Variants in EPHA5 observed in about 807,000 individuals in gnomAD.
The protein encoded by EPHA5 is ephrin type-A receptor 5.
Under a neutral mutation model 105.0 loss-of-function variants are expected in EPHA5, and 60 were observed. The observed-to-expected ratio is 0.57, with a 90% CI of 0.46 to 0.71. The LOEUF (loss-of-function observed/expected upper bound fraction) is 0.71, where lower values mean the gene tolerates loss of function less well. Ranked by LOEUF, EPHA5 falls within the 30% of genes least tolerant of loss-of-function variation. EPHA5 has a pLI of 0.00. For missense variants in EPHA5, 1,218 were observed against 1,274.7 expected (o/e 0.96, Z 0.68); for synonymous variants, 513 against 449.1 (o/e 1.14, Z -1.80).
At chr4:65,500,368 C>A (rs1353145718) in intron 3 of EPHA5, among the ~76,000 whole-genome samples, 1 of 151,050 alleles carries the variant, frequency 6.6e-6, no homozygotes, top group Non-Finnish European at 1.5e-5. Context: ...ATTATTTCTA[C>A]CCATGCTTGA....
intron 2 of EPHA5, among the ~76,000 whole-genome samples, chr4:65,639,946 C>A (rs1252767060): frequency 6.6e-6 from 1 of 152,130 alleles, no homozygotes; most frequent in African/African-American, 2.4e-5. Context: ...TTTATTGATA[C>A]TTTGAATTCA....
chr4:65,563,384 A>G (rs1739217268), intron 3 of EPHA5, among the ~76,000 whole-genome samples: 1 of 152,094 alleles, frequency 6.6e-6, no homozygotes, highest in Non-Finnish European at 1.5e-5. Context: ...TTAGAGAAGC[A>G]AAAATATTTC....
chr4:65,435,171 A>G (rs2149072570), intron 5 of EPHA5, among the ~76,000 whole-genome samples: 1 of 152,246 alleles, frequency 6.6e-6, no homozygotes, highest in South Asian at 2.1e-4. Context: ...GGGCAAGTTC[A>G]TGAATATTTT....
At chr4:65,545,100 A>C (rs971861003) in intron 3 of EPHA5, among the ~76,000 whole-genome samples, 4 of 151,896 alleles carry the variant, frequency 2.6e-5, no homozygotes, top group African/African-American at 9.7e-5. Flanking sequence ...TCTTGTTAAT[A>C]TATTTGCCAT....
intron 5 of EPHA5, among the ~76,000 whole-genome samples, chr4:65,457,714 G>A (rs1727734440): frequency 1.3e-5 from 2 of 151,976 alleles, no homozygotes; most frequent in African/African-American, 2.4e-5. Context: ...GCACAGCTAA[G>A]CACCTACTAC....
In EPHA5 at chr4:65,493,639, G is replaced by A. The variant is rs558573791; in HGVS notation, c.1066+1749C>T. On this transcript the variant is annotated intron_variant, in intron 4 of 16. Coordinates refer to ENST00000613740, the MANE Select transcript of EPHA5 (RefSeq NM_001281766.3). ...TACTTTTAGAAATGCATACAAATTA[G>A]TGCTCATTTGACAACACAGTATTAG... Among the ~76,000 whole-genome samples the A allele has an allele frequency of 1.6e-3, 247 of 151,922 alleles. 1 individual carries two copies. Among genetic ancestry groups the A allele is most frequent in the Middle Eastern group, 6.8e-3 (2 of 294 alleles).
rs769074454 is a variant in EPHA5 at position 65,331,984 on chromosome 4, C to G, written c.2934G>C (p.Gln978His). 5 of 1,600,370 alleles carry G rather than the reference C, an allele frequency of 3.1e-6. No individual in the cohort carries two copies. Among genetic ancestry groups the G allele is most frequent in the Non-Finnish European group, 4.3e-6 (5 of 1,175,106 alleles). The change falls in exon 16 of 17, where the codon CAG becomes CAC. Residue 978 changes from glutamine to histidine, a missense_variant. Gln to His is a conservative substitution (Grantham distance 24). Around this residue, in one of 3 missense-constraint regions of EPHA5, gnomAD observed 971 missense variants for 1,013.5 expected, o/e 0.96. Coordinates refer to ENST00000613740, the MANE Select transcript of EPHA5 (RefSeq NM_001281766.3). ...GAAAAATTACTCACTCCAAGGTCAC[C>G]TGAGCCACAGCGTCCATTGAACTGT... is the stretch of plus-strand genomic sequence containing the variant. ...NGYSSMDAVA[Q>H]VTLEDLRRLG...
chr4:65,382,240 A>G (rs973659903), intron 8 of EPHA5, among the ~76,000 whole-genome samples: 4 of 151,820 alleles, frequency 2.6e-5, no homozygotes, highest in African/African-American at 9.7e-5. Flanking sequence ...AACTAAATGA[A>G]AGCAGAAAAA....
intron 3 of EPHA5, among the ~76,000 whole-genome samples, chr4:65,514,707 C>T (rs1640206841): frequency 6.6e-6 from 1 of 152,136 alleles, no homozygotes; most frequent in African/African-American, 2.4e-5. Flanking sequence ...ACAGAACACT[C>T]CCATTTTTCT....
intron 11 of EPHA5, among the ~76,000 whole-genome samples, chr4:65,361,255 C>T (rs983276811): frequency 4.6e-5 from 7 of 151,592 alleles, no homozygotes; most frequent in Non-Finnish European, 8.9e-5. Flanking sequence ...ACACTGATCT[C>T]ATAGAGGTCA....
rs751497678 is a variant in EPHA5, at chr4:65,367,444, A to T, written c.1794-20T>A. The T allele has an allele frequency of 1.2e-6, 2 of 1,609,780 alleles. No individual in the cohort carries two copies. The highest frequency in any genetic ancestry group is 2.2e-5 in the East Asian group (1 of 44,784). ...CACCGCCTGGAACAAAGTAAGCTAG[A>T]ATTAGCCACATCTGAAAGTGGTGAA... On this transcript the variant is annotated intron_variant, in intron 8 of 16. Transcript: ENST00000613740.
intron 15 of EPHA5, among the ~76,000 whole-genome samples, chr4:65,332,910 A>G (rs1468653241): frequency 6.6e-6 from 1 of 151,894 alleles, no homozygotes. Flanking sequence ...AAGTTAAGAA[A>G]CTATTTATTC....
At chr4:65,663,352 A>C (rs1237680461) in intron 1 of EPHA5, among the ~76,000 whole-genome samples, 1 of 152,136 alleles carries the variant, frequency 6.6e-6, no homozygotes, top group Non-Finnish European at 1.5e-5. Context: ...CAAACCACAG[A>C]GTTTTTAAGA....
At chr4:65,428,199 T>C (rs1724634649) in intron 5 of EPHA5, among the ~76,000 whole-genome samples, 1 of 152,116 alleles carries the variant, frequency 6.6e-6, no homozygotes, top group African/African-American at 2.4e-5. Context: ...ATTGCAGTTA[T>C]TGAATTATAA....
chr4:65,342,018 A>G (rs1165470372), intron 14 of EPHA5, among the ~76,000 whole-genome samples: 1 of 152,070 alleles, frequency 6.6e-6, no homozygotes, highest in African/African-American at 2.4e-5. Flanking sequence ...TTTTTTTCTT[A>G]GTGCATCAAT....
chr4:65,602,898 A>G (rs1743876379), intron 2 of EPHA5, among the ~76,000 whole-genome samples: 1 of 152,152 alleles, frequency 6.6e-6, no homozygotes, highest in Non-Finnish European at 1.5e-5. Context: ...TATTTCACTG[A>G]ACCCATCTAT....
At chr4:65,563,803 C>A (rs1739262588) in intron 3 of EPHA5, among the ~76,000 whole-genome samples, 1 of 151,946 alleles carries the variant, frequency 6.6e-6, no homozygotes, top group South Asian at 2.1e-4. Context: ...ATTGAAAAGT[C>A]TGATGAGTAA....
chr4:65,596,083 T>C (rs1195407698), intron 3 of EPHA5, among the ~76,000 whole-genome samples: 1 of 152,198 alleles, frequency 6.6e-6, no homozygotes, highest in East Asian at 1.9e-4. Context: ...ATTCAATTGG[T>C]CACATTTAAA....
intron 5 of EPHA5, among the ~76,000 whole-genome samples, chr4:65,422,262 A>G (rs894508015): frequency 2.6e-5 from 4 of 152,036 alleles, no homozygotes; most frequent in African/African-American, 4.8e-5. Flanking sequence ...GGTAAAGCTG[A>G]TGAAAGTGGG....
Sources: allele counts gnomAD v4.1 joint callset (sites outside exome capture counted in the v4.1 genomes callset), GRCh38; gene constraint gnomAD v4.1.1; regional missense constraint gnomAD v4.1.1; transcripts MANE v1.5; gene names NCBI Gene and HGNC (gene_info 2026-07-23, HGNC 2026-07-21).